The following CDH18 variants were observed in gnomAD, a reference collection of about 807,000 sequenced individuals.
CDH18 encodes cadherin 18, also known as cadherin-18.
Under a neutral mutation model 67.9 loss-of-function variants are expected in CDH18, and 31 were observed. The ratio of observed to expected loss-of-function variants is 0.46; its 90% CI spans 0.34 to 0.62. The LOEUF (loss-of-function observed/expected upper bound fraction) is 0.62, where lower values mean the gene tolerates loss of function less well. Among genes scored for constraint, CDH18 ranks in the 20% least tolerant of loss-of-function variants. The pLI, the probability that CDH18 is intolerant of heterozygous loss-of-function variation, is 0.01. For missense variants in CDH18, 890 were observed against 975.5 expected (o/e 0.91, Z 1.17); for synonymous variants, 362 against 347.2 (o/e 1.04, Z -0.48).
At chr5:20,571,270 CA>C (rs1758804214) in intron 1 of CDH18, among the ~76,000 whole-genome samples, 1 of 152,066 alleles carries the variant, frequency 6.6e-6, no homozygotes, top group Non-Finnish European at 1.5e-5. Context: ...TCGCAACATA[CA>C]AAAGTTTCTA....
At chr5:19,978,794 T>G (rs2150355636) in intron 2 of CDH18, among the ~76,000 whole-genome samples, 2 of 152,142 alleles carry the variant, frequency 1.3e-5, no homozygotes, top group East Asian at 1.9e-4. Flanking sequence ...CCTCTTTCAC[T>G]TTTAAAGAGC....
At chr5:20,403,002 C>A (rs191431732) in intron 1 of CDH18, among the ~76,000 whole-genome samples, 1 of 136,358 alleles carries the variant, frequency 7.3e-6, no homozygotes, top group South Asian at 2.5e-4. Context: ...GGCCAACATG[C>A]CATGTCTACT....
intron 2 of CDH18, among the ~76,000 whole-genome samples, chr5:19,891,208 TCAAGTGACAGTG>T (rs1426765281): frequency 6.6e-6 from 1 of 152,144 alleles, no homozygotes. Context: ...TCTATCTCGT[TCAAGTGACAGTG>T]CACCTCCAAA....
At chr5:20,519,560 T>C (rs1184322300) in intron 1 of CDH18, among the ~76,000 whole-genome samples, 2 of 152,068 alleles carry the variant, frequency 1.3e-5, no homozygotes, top group Non-Finnish European at 2.9e-5. Context: ...ATATGGCACA[T>C]GTATACATAT....
At chr5:19,540,247 T>A (rs950052485) in intron 9 of CDH18, among the ~76,000 whole-genome samples, 1 of 152,094 alleles carries the variant, frequency 6.6e-6, no homozygotes, top group African/African-American at 2.4e-5. Flanking sequence ...ATGTCTCACG[T>A]CCAGGTCATG....
intron 1 of CDH18, among the ~76,000 whole-genome samples, chr5:20,571,774 A>G (rs566500565): frequency 5.3e-5 from 8 of 152,272 alleles, no homozygotes; most frequent in African/African-American, 1.9e-4. Flanking sequence ...TCCATGATTC[A>G]TTGCTTAGAA....
At chr5:20,296,340 A>G (rs949870295) in intron 1 of CDH18, among the ~76,000 whole-genome samples, 5 of 149,212 alleles carry the variant, frequency 3.4e-5, no homozygotes, top group East Asian at 2.0e-4. Context: ...TGCAAGCTCC[A>G]CCTCCGGGGT....
At chr5:20,420,741 T>C (rs1333842579) in intron 1 of CDH18, among the ~76,000 whole-genome samples, 1 of 151,360 alleles carries the variant, frequency 6.6e-6, no homozygotes, top group Non-Finnish European at 1.5e-5. Context: ...TTGAATCTTT[T>C]CATTCCCTGT....
chr5:19,637,665 C>T (rs890894337), intron 5 of CDH18, among the ~76,000 whole-genome samples: 11 of 152,150 alleles, frequency 7.2e-5, no homozygotes, highest in Non-Finnish European at 1.6e-4. Context: ...GGTTCCTCGT[C>T]ACCAATCACC....
chr5:20,217,883 T>C (rs530741130), intron 2 of CDH18, among the ~76,000 whole-genome samples: 1 of 151,572 alleles, frequency 6.6e-6, no homozygotes, highest in Admixed American at 6.6e-5. Context: ...ACAGACAAAA[T>C]AGATTTCAAG....
intron 1 of CDH18, among the ~76,000 whole-genome samples, chr5:20,376,967 A>C (rs1461334069): frequency 6.6e-6 from 1 of 151,928 alleles, no homozygotes; most frequent in East Asian, 1.9e-4. Flanking sequence ...CAGTGAGCCA[A>C]GATCACGCTA....
chr5:19,818,013 AT>A (rs1167126739), intron 3 of CDH18, among the ~76,000 whole-genome samples: 2 of 151,998 alleles, frequency 1.3e-5, no homozygotes, highest in South Asian at 4.1e-4. Flanking sequence ...TTTTCTTTCC[AT>A]TTTTTTCCCA....
Position 19,645,966 on chromosome 5 carries a change from GAATAC to G in CDH18, c.644-33370_644-33366del, listed in dbSNP as rs1754674999. 2.6e-5 allele frequency among the ~76,000 whole-genome samples: 4 copies of G among 152,032 alleles called. No homozygotes were observed. The South Asian group carries it at 8.3e-4, about 32-fold the overall frequency. On this transcript the variant is annotated intron_variant, in intron 5 of 12. Coordinates refer to ENST00000382275, the MANE Select transcript of CDH18 (RefSeq NM_004934.5). ...GATCCTTCTGTTGTTGTTTTGCGAAGAATACAATATATGGAAGCAAGAAAAGAATA... is the reference window on the plus strand; with the variant it reads ...GATCCTTCTGTTGTTGTTTTGCGAAGAATATATGGAAGCAAGAAAAGAATA...
At chr5:20,547,651 T>C (rs1447800506) in intron 1 of CDH18, among the ~76,000 whole-genome samples, 1 of 152,104 alleles carries the variant, frequency 6.6e-6, no homozygotes, top group African/African-American at 2.4e-5. Flanking sequence ...TAGGCTAATA[T>C]TAGGACATCC....
chr5:20,278,037 A>G (rs1222809864), intron 1 of CDH18, among the ~76,000 whole-genome samples: 3 of 152,170 alleles, frequency 2.0e-5, no homozygotes, highest in Admixed American at 6.6e-5. Context: ...AGCCTAAAAA[A>G]GGAAAATCTA....
rs773688812 is a variant in CDH18, at chr5:19,503,097, T to C, written c.1525A>G (p.Ile509Val). The change falls in exon 11 of 13, where the codon ATC becomes GTC. Residue 509 changes from isoleucine (I) to valine (V), a missense_variant. By Grantham distance (29) the Ile-to-Val change is conservative. This residue lies in a region of CDH18 where 656 missense variants were observed against 668.1 expected (regional missense o/e 0.98). Transcript: ENST00000382275. ...AAATCATCTTTATCAGTGGCACTGATGGTATGAATAACCTAAAGAAAAGAC... is the reference window on the plus strand; with the variant it reads ...AAATCATCTTTATCAGTGGCACTGACGGTATGAATAACCTAAAGAAAAGAC... ...NSKPGQVIHTISATDKDDFAN... is the reference protein window; with the variant it reads ...NSKPGQVIHTVSATDKDDFAN... 1.3e-6 allele frequency: 2 copies of C among 1,579,644 alleles called. No individual in the cohort carries two copies.
Position 20,091,678 on chromosome 5 carries a change from A to C in CDH18, c.-517-99664T>G, listed in dbSNP as rs112387668. On this transcript the variant is annotated intron_variant, in intron 2 of 14. Coordinates refer to the CDH18 transcript ENST00000507958. ...TAATTCACTTGAATTTTGCATTATT[A>C]TTCTTCTTATAAAAATTAACTTATA... Among the ~76,000 whole-genome samples, 84 of 150,234 alleles carry C rather than the reference A, an allele frequency of 5.6e-4. No homozygotes were observed. In the South Asian group the frequency reaches 0.017, roughly 30 times the overall value.
At chr5:19,578,171 G>T (rs115518143) in intron 7 of CDH18, among the ~76,000 whole-genome samples, 1 of 152,202 alleles carries the variant, frequency 6.6e-6, no homozygotes, top group Non-Finnish European at 1.5e-5. Flanking sequence ...ATGGTCATTT[G>T]TAAGAGCATT....
At chr5:19,964,600 A>C (rs997162504) in intron 2 of CDH18, among the ~76,000 whole-genome samples, 29 of 149,352 alleles carry the variant, frequency 1.9e-4, no homozygotes, top group African/African-American at 7.1e-4. Flanking sequence ...AGTGAGTGGG[A>C]TTGTGCCACT....
Sources: allele counts gnomAD v4.1 joint callset (sites outside exome capture counted in the v4.1 genomes callset), GRCh38; gene constraint gnomAD v4.1.1; regional missense constraint gnomAD v4.1.1; transcripts MANE v1.5; gene names NCBI Gene and HGNC (gene_info 2026-07-23, HGNC 2026-07-21).